ADAMTS6: variants seen among roughly 807,000 people sequenced by gnomAD.
ADAMTS6 encodes the protein ADAM metallopeptidase with thrombospondin type 1 motif 6, also known as A disintegrin and metalloproteinase with thrombospondin motifs 6.
Under a neutral mutation model 144.3 loss-of-function variants are expected in ADAMTS6, and 23 were observed. The observed-to-expected ratio is 0.16, with a 90% CI of 0.11 to 0.23. The LOEUF (loss-of-function observed/expected upper bound fraction) is 0.23, where lower values mean the gene tolerates loss of function less well. ADAMTS6 is among the 10% of genes least tolerant of loss of function. The pLI is 1.00. For missense variants in ADAMTS6, 999 were observed against 1,379.6 expected, an observed-to-expected ratio of 0.72 and a Z score of 4.37; for synonymous variants, 444 against 457.5, an observed-to-expected ratio of 0.97 and a Z score of 0.38.
At chr5:65,288,324 T>C (rs1185827634) in intron 11 of ADAMTS6, among the ~76,000 whole-genome samples, 3 of 151,242 alleles carry the variant, frequency 2.0e-5, no homozygotes, top group Non-Finnish European at 2.9e-5. Context: ...TTTTCTTTTT[T>C]TTTTTTTTAA....
At chr5:65,161,809 C>G (rs896344784) in intron 24 of ADAMTS6, among the ~76,000 whole-genome samples, 2 of 152,294 alleles carry the variant, frequency 1.3e-5, no homozygotes, top group African/African-American at 4.8e-5. Context: ...CAAGTTATGA[C>G]AGATGTATCA....
At chr5:65,226,028 A>G in intron 16 of ADAMTS6, 58 bp downstream of exon 16, 1 of 1,539,350 alleles carries the variant, frequency 6.5e-7, no homozygotes, top group Non-Finnish European at 8.8e-7. Flanking sequence ...ATAGGAGTTA[A>G]TGAGAAAAAG....
chr5:65,480,448 G>C (rs1031260383), intron 1 of ADAMTS6, among the ~76,000 whole-genome samples: 4 of 152,062 alleles, frequency 2.6e-5, no homozygotes, highest in African/African-American at 9.7e-5. Context: ...GATAAAACGC[G>C]TGTGACCCAG....
intron 4 of ADAMTS6, among the ~76,000 whole-genome samples, chr5:65,455,679 T>C (rs1311224308): frequency 6.6e-6 from 1 of 151,978 alleles, no homozygotes; most frequent in Non-Finnish European, 1.5e-5. Flanking sequence ...GGCACACATC[T>C]GTAGTCCCAG....
intron 20 of ADAMTS6, among the ~76,000 whole-genome samples, chr5:65,208,743 G>C (rs1356303082): frequency 6.6e-6 from 1 of 152,124 alleles, no homozygotes; most frequent in Non-Finnish European, 1.5e-5. Flanking sequence ...GCATAGCTGA[G>C]CAGTAGAACC....
At chr5:65,312,975 T>C (rs1282739344) in intron 9 of ADAMTS6, among the ~76,000 whole-genome samples, 3 of 152,044 alleles carry the variant, frequency 2.0e-5, no homozygotes, top group Non-Finnish European at 1.5e-5. Flanking sequence ...AATTAGTTAA[T>C]GATAGCTAAA....
At chr5:65,377,019 A>C (rs1320093447) in intron 7 of ADAMTS6, among the ~76,000 whole-genome samples, 1 of 152,272 alleles carries the variant, frequency 6.6e-6, no homozygotes, top group East Asian at 1.9e-4. Context: ...AGACTTATAT[A>C]TATATAAATA....
chr5:65,329,534 T>G (rs768780848), intron 8 of ADAMTS6, 51 bp from the exon 9 acceptor site: 16 of 1,473,810 alleles, frequency 1.1e-5, no homozygotes, highest in Non-Finnish European at 1.5e-5. Context: ...GTTTCAGTCT[T>G]TAAAAGCCTA....
intron 9 of ADAMTS6, among the ~76,000 whole-genome samples, chr5:65,305,004 A>G (rs1743791039): frequency 2.0e-5 from 3 of 152,064 alleles, no homozygotes; most frequent in African/African-American, 7.2e-5. Flanking sequence ...TAGTGTATCA[A>G]TGTCAAACTT....
intron 20 of ADAMTS6, among the ~76,000 whole-genome samples, chr5:65,202,279 G>A (rs1755787863): frequency 6.6e-6 from 1 of 152,184 alleles, no homozygotes; most frequent in Non-Finnish European, 1.5e-5. Context: ...AAAGCAAAAT[G>A]TAGCTCTAAA....
chr5:65,214,172 C>G lies in ADAMTS6; in HGVS notation c.2575+622G>C, dbSNP rs192226734. 1 of 176,832 alleles carries G rather than the reference C, an allele frequency of 5.7e-6. No individual in the cohort carries two copies. Among genetic ancestry groups the G allele is most frequent in the Non-Finnish European group, 1.4e-5 (1 of 72,370 alleles). The allele number at this position is 176,832 out of a possible 1,614,324, so 11.0% of individuals were successfully genotyped here. A position where few individuals can be genotyped will look rare whatever the true frequency, so the allele number is the denominator to read the frequency against. ...AATAGAGTAAATTGTAGGGAAAAGG[C>G]ACCCATGAAAAACGCACATGGGACA... On this transcript the variant is annotated intron_variant, in intron 20 of 24. Transcript: ENST00000381055. The surrounding 1 kb of genome is among the most constrained non-coding windows in gnomAD (Gnocchi z 4.6).
At chr5:65,249,998 A>T (rs1020514187) in intron 14 of ADAMTS6, among the ~76,000 whole-genome samples, 2 of 152,262 alleles carry the variant, frequency 1.3e-5, no homozygotes, top group Non-Finnish European at 2.9e-5. Context: ...CCACCTCCCA[A>T]GGGCTTCATC....
At chr5:65,426,692 T>C (rs973832154) in intron 7 of ADAMTS6, among the ~76,000 whole-genome samples, 1 of 151,978 alleles carries the variant, frequency 6.6e-6, no homozygotes, top group African/African-American at 2.4e-5. Flanking sequence ...GACTGCTGCA[T>C]AGAGTGACAA....
At chr5:65,291,240 G>A (rs1019607377) in intron 11 of ADAMTS6, 89 bp downstream of exon 11, 2 of 1,457,362 alleles carry the variant, frequency 1.4e-6, no homozygotes. Context: ...TTACTAGAGG[G>A]AACCGACATT....
chr5:65,424,526 C>A (rs1756341221), intron 7 of ADAMTS6, among the ~76,000 whole-genome samples: 1 of 152,100 alleles, frequency 6.6e-6, no homozygotes. Context: ...TGGATTGTAC[C>A]TTTAAAGGCT....
intron 21 of ADAMTS6, 58 bp downstream of exon 21, chr5:65,196,964 A>C: frequency 6.4e-7 from 1 of 1,571,262 alleles, no homozygotes; most frequent in Non-Finnish European, 8.6e-7. Flanking sequence ...ACATGAATAC[A>C]TAATGTTTTT....
intron 9 of ADAMTS6, among the ~76,000 whole-genome samples, chr5:65,301,280 C>A (rs905754431): frequency 2.0e-5 from 3 of 151,972 alleles, no homozygotes; most frequent in Non-Finnish European, 4.4e-5. Context: ...TCACAAGTAA[C>A]CAGAAGTTTT....
chr5:65,266,734 T>A (rs1479816712), intron 12 of ADAMTS6, among the ~76,000 whole-genome samples: 1 of 151,974 alleles, frequency 6.6e-6, no homozygotes, highest in Non-Finnish European at 1.5e-5. Context: ...TCAAAAAAGT[T>A]AAAAACCTAC....
At chr5:65,398,791 A>T (rs1753600684) in intron 7 of ADAMTS6, among the ~76,000 whole-genome samples, 1 of 49,486 alleles carries the variant, frequency 2.0e-5, no homozygotes, top group African/African-American at 8.3e-5. Flanking sequence ...CAAGAAAGAA[A>T]GAAAGAAAGA....
Sources: gnomAD v4.1 joint callset for allele counts (sites outside exome capture counted in the v4.1 genomes callset) on GRCh38, gnomAD v4.1.1 for gene constraint, Gnocchi (gnomAD v3.1) non-coding constraint, MANE v1.5 for transcripts, NCBI Gene and HGNC (gene_info 2026-07-23, HGNC 2026-07-21) for gene names.